The following MYH7B variants were observed in gnomAD, a reference collection of about 807,000 sequenced individuals.
MYH7B encodes myosin-7B.
MYH7B carries 205 observed loss-of-function variants against 234.5 expected under a neutral mutation model. The observed-to-expected ratio is 0.87, with a 90% CI of 0.78 to 0.98. The LOEUF (loss-of-function observed/expected upper bound fraction) is 0.98, where lower values mean the gene tolerates loss of function less well. Ranked by LOEUF, MYH7B falls within the 50% of genes least tolerant of loss-of-function variation. MYH7B has a pLI of 0.00. For missense variants in MYH7B, 2,652 were observed against 2,633.4 expected (o/e 1.01, Z -0.15); for synonymous variants, 1,193 against 1,105.0 (o/e 1.08, Z -1.58).
Position 34,956,883 on chromosome 20 carries a change from C to T in MYH7B, c.-337+876C>T, listed in dbSNP as rs36208521. 8.3e-4 allele frequency among the ~76,000 whole-genome samples: 126 copies of T among 152,210 alleles called. 1 individual carries two copies. The highest frequency in any genetic ancestry group is 5.7e-3 in the Admixed American group (87 of 15,296). On this transcript the variant is annotated intron_variant, in intron 1 of 44. Coordinates refer to ENST00000262873, the Ensembl canonical transcript of MYH7B. Reference sequence around the variant, plus strand: ...CAGGCTGGGCAACATGGCGAAACCCCGTCTCTACTAGAAATACAAGAATTA... The same window carrying T: ...CAGGCTGGGCAACATGGCGAAACCCTGTCTCTACTAGAAATACAAGAATTA...
At chr20:34,987,421 C>G in intron 16 of MYH7B, 134 bp downstream of exon 16, 1 of 1,426,276 alleles carries the variant, frequency 7.0e-7, no homozygotes, top group Non-Finnish European at 9.6e-7. Flanking sequence ...CAAACCCTTA[C>G]CCTCCTGAGG....
chr20:35,000,711 G>T, intron 39 of MYH7B, 22 bp downstream of exon 39: 1 of 1,601,684 alleles, frequency 6.2e-7, no homozygotes, highest in Non-Finnish European at 8.5e-7. Context: ...AGTCCCTGGG[G>T]ACAGAGCAGG....
chr20:34,968,785 C>T (rs1268150295), intron 2 of MYH7B, among the ~76,000 whole-genome samples: 3 of 152,222 alleles, frequency 2.0e-5, no homozygotes, highest in Non-Finnish European at 4.4e-5. Flanking sequence ...TACACTGCGG[C>T]AGCCTACCTA....
intron 10 of MYH7B, among the ~76,000 whole-genome samples, chr20:34,983,845 A>G (rs145078932): frequency 2.0e-4 from 30 of 152,320 alleles, no homozygotes; most frequent in Admixed American, 8.5e-4. Flanking sequence ...CCGTGGTGGT[A>G]TATCTGTTCC....
intron 19 of MYH7B, 148 bp downstream of exon 19, chr20:34,988,410 TTG>T (rs2082075077): frequency 1.1e-6 from 1 of 925,960 alleles, no homozygotes; most frequent in Admixed American, 2.8e-5. Context: ...GTGAGTGTAG[TTG>T]TGACAGCGTT....
chr20:34,984,430 G>A (rs2081984376), intron 10 of MYH7B, among the ~76,000 whole-genome samples: 1 of 152,176 alleles, frequency 6.6e-6, no homozygotes, highest in South Asian at 2.1e-4. Flanking sequence ...AAAATGAAGG[G>A]AGGCCAGAGG....
exon 22 of MYH7B, chr20:34,990,301 G>A: frequency 6.2e-7 from 1 of 1,614,178 alleles, no homozygotes; most frequent in Non-Finnish European, 8.5e-7. Context: ...CGGTGTCCCA[G>A]CTGCACAAGG....
chr20:34,987,444 G>A (rs1282094411), intron 16 of MYH7B, 113 bp from the exon 17 acceptor site: 1 of 1,410,290 alleles, frequency 7.1e-7, no homozygotes, highest in Non-Finnish European at 9.8e-7. Context: ...TTGTTTGCTA[G>A]CCCTGAACTT....
rs1012086819 is a variant in MYH7B, at chr20:34,998,301, G to A, written c.3754G>A (p.Ala1252Thr). 3.1e-6 allele frequency: 5 copies of A among 1,613,816 alleles called. No homozygotes were observed. The Admixed American group carries it at 8.3e-5, about 27-fold the overall frequency. Residue 1252 changes from alanine to threonine, a missense_variant, in exon 33 of 45, where the codon GCA becomes ACA. This residue lies in a region of MYH7B where 2,279 missense variants were observed against 2,211.4 expected (regional missense o/e 1.03). Transcript: ENST00000262873. ...TCCCAACCTGGGATCCTAGGCCAGT[G>A]CAGAGAAGCTGTGCCGGACCTATGA...
rs142169466 is a variant in MYH7B, at chr20:34,998,581, C to T, written c.3945C>T (p.Ala1315=). 1.2e-4 allele frequency: 195 copies of T among 1,613,580 alleles called. No homozygotes were observed. In the East Asian group the frequency reaches 2.3e-3, roughly 19 times the overall value. Residue 1315 remains alanine (A), a synonymous_variant, in exon 34 of 45, where the codon GCC becomes GCT. Coordinates refer to ENST00000262873, the Ensembl canonical transcript of MYH7B. The stretch of plus-strand genomic sequence containing the variant: ...AGCTGAGCCGTGGAAAGGCCCTGGC[C>T]GCCCAAAGCCTGGAAGAGTTGCGGC...
rs73269549 is a variant in MYH7B at position 35,001,742 on chromosome 20, G to A, written c.5677-206G>A. On this transcript the variant is annotated intron_variant, in intron 43 of 44. Coordinates refer to ENST00000262873, the Ensembl canonical transcript of MYH7B. ...CCTGGCCAAGGCTGGGGCTGCCTCT[G>A]AGGGGTGGGGCAGGCACAAAAAGGC... 0.011 allele frequency: 10,355 copies of A among 916,510 alleles called. 721 individuals carry two copies. In the African/African-American group the frequency reaches 0.15, roughly 14 times the overall value. 56.8% of individuals were successfully genotyped at this position (916,510 alleles called of 1,614,324 possible).
At position 34,998,649 on chromosome 20, in the gene MYH7B, C is replaced by T. The variant is rs2082308392; in HGVS notation, c.3993+20C>T. ...AGCAAGGTGGGCTGGCACCGGTGAC[C>T]ATGGAGTGGGCAGGTGGGCACCAGA... is the stretch of plus-strand genomic sequence containing the variant. On this transcript the variant is annotated intron_variant, in intron 34 of 44. Coordinates refer to ENST00000262873, the Ensembl canonical transcript of MYH7B. The T allele has an allele frequency of 6.2e-7, 1 of 1,612,788 alleles. No individual in the cohort carries two copies. The highest frequency in any genetic ancestry group is 8.5e-7 in the Non-Finnish European group (1 of 1,179,816).
intron 16 of MYH7B, 29 bp downstream of exon 16, chr20:34,987,316 T>TG (rs1569043594): frequency 6.2e-7 from 1 of 1,607,394 alleles, no homozygotes; most frequent in South Asian, 1.1e-5. Flanking sequence ...GCCTTCAACT[T>TG]GACCCAGACC....
rs765518246 is a variant in MYH7B at position 34,999,196 on chromosome 20, C to T, written c.4331C>T (p.Ser1444Leu). The T allele has an allele frequency of 3.1e-6, 5 of 1,613,080 alleles. No individual in the cohort carries two copies. The South Asian group carries it at 5.5e-5, about 18-fold the overall frequency. ...ACCCTGGAGCTGGAGCGGGCGACCTCAGCAGCTGCTGCGCTGGACAAGAAG... is the reference window on the plus strand; with the variant it reads ...ACCCTGGAGCTGGAGCGGGCGACCTTAGCAGCTGCTGCGCTGGACAAGAAG... Residue 1444 changes from serine (S) to leucine (L), a missense_variant, in exon 36 of 45, where the codon TCA becomes TTA. Transcript: ENST00000262873.
intron 2 of MYH7B, among the ~76,000 whole-genome samples, chr20:34,970,505 C>G (rs1373804327): frequency 6.6e-6 from 1 of 152,174 alleles, no homozygotes; most frequent in Non-Finnish European, 1.5e-5. Context: ...CATCAGGTGG[C>G]CCTGGTGAGA....
chr20:34,979,687 G>A (rs968593448), exon 7 of MYH7B: 3 of 1,614,144 alleles, frequency 1.9e-6, no homozygotes, highest in African/African-American at 1.3e-5. Flanking sequence ...AAGCCGAGCT[G>A]CAGCCCATGA....
In MYH7B at chr20:34,988,276, C is replaced by A. The variant is rs769060364; in HGVS notation, c.1587+14C>A. ...CTCATCGAGAAGGTGGGTGCCGCGGCAAGGTCACTTTGAGGAAGGGAGGGT... is the reference window on the plus strand; with the variant it reads ...CTCATCGAGAAGGTGGGTGCCGCGGAAAGGTCACTTTGAGGAAGGGAGGGT... On this transcript the variant is annotated intron_variant, in intron 19 of 44. Coordinates refer to ENST00000262873, the Ensembl canonical transcript of MYH7B. 1 of 1,606,166 alleles carries A rather than the reference C, an allele frequency of 6.2e-7. No homozygotes were observed. Among genetic ancestry groups the A allele is most frequent in the Non-Finnish European group, 8.5e-7 (1 of 1,174,222 alleles).
chr20:34,996,830 G>T, intron 30 of MYH7B, 72 bp downstream of exon 30: 1 of 1,556,206 alleles, frequency 6.4e-7, no homozygotes, highest in Non-Finnish European at 8.7e-7. Flanking sequence ...CTGGATTCTT[G>T]TGGTTCCTGC....
At position 34,996,541 on chromosome 20, in the gene MYH7B, G is replaced by T; in HGVS notation, c.3120+19G>T. The stretch of plus-strand genomic sequence containing the variant: ...GGAGGACGTGAGTCAGGGCCACCCC[G>T]AGACTGGGTGGCGGGGCCGGGGTGC... On this transcript the variant is annotated intron_variant, in intron 29 of 44. Transcript: ENST00000262873. 1 of 1,605,132 alleles carries T rather than the reference G, an allele frequency of 6.2e-7. No homozygotes were observed. The highest frequency in any genetic ancestry group is 8.5e-7 in the Non-Finnish European group (1 of 1,175,354).
Sources: allele counts gnomAD v4.1 joint callset (sites outside exome capture counted in the v4.1 genomes callset), GRCh38; gene constraint gnomAD v4.1.1; regional missense constraint gnomAD v4.1.1; transcripts MANE v1.5; gene names NCBI Gene and HGNC (gene_info 2026-07-23, HGNC 2026-07-21).